The following PHACTR2 variants were observed in gnomAD, a reference collection of about 807,000 sequenced individuals.
The protein encoded by PHACTR2 is phosphatase and actin regulator 2, also known as chromosome 6 open reading frame 56.
Under a neutral mutation model 76.0 loss-of-function variants are expected in PHACTR2, and 30 were observed. The ratio of observed to expected loss-of-function variants is 0.39; its 90% confidence interval spans 0.30 to 0.54. The LOEUF is 0.54. Ranked by LOEUF, PHACTR2 falls within the 20% of genes least tolerant of loss-of-function variation. The pLI is 0.61. For missense variants in PHACTR2, 696 were observed against 781.1 expected (o/e 0.89, Z 1.30); for synonymous variants, 292 against 292.5 (o/e 1.00, Z 0.02).
intron 2 of PHACTR2, among the ~76,000 whole-genome samples, chr6:143,718,507 G>A (rs1778353364): frequency 6.6e-6 from 1 of 152,198 alleles, no homozygotes; most frequent in Non-Finnish European, 1.5e-5. Flanking sequence ...CATCAGAAAG[G>A]ACTGATCACT....
In PHACTR2 at chr6:143,795,046, T is replaced by C. The variant is rs549045859; in HGVS notation, c.1845+6136T>C. Among the ~76,000 whole-genome samples, 1 of 152,322 alleles carries C rather than the reference T, an allele frequency of 6.6e-6. No homozygotes were observed. Among genetic ancestry groups the C allele is most frequent in the South Asian group, 2.1e-4 (1 of 4,828 alleles). ...TCTGGTAGTCTGGTTAAATGGCTCA[T>C]GTTGGAAAAGAGAAGTGGTGGGAGA... On this transcript the variant is annotated intron_variant, in intron 11 of 12. Coordinates refer to ENST00000440869, the MANE Select transcript of PHACTR2 (RefSeq NM_001100164.2). The surrounding 1 kb of genome is among the most constrained non-coding windows in gnomAD (Gnocchi z 4.8).
chr6:143,788,040 C>T (rs1382963282), intron 10 of PHACTR2, among the ~76,000 whole-genome samples: 1 of 152,136 alleles, frequency 6.6e-6, no homozygotes, highest in Non-Finnish European at 1.5e-5. Flanking sequence ...AGAAAGGACC[C>T]AGAAAGAAAA....
chr6:143,720,956 C>A (rs1016293493), intron 2 of PHACTR2, among the ~76,000 whole-genome samples: 2 of 152,144 alleles, frequency 1.3e-5, no homozygotes, highest in Non-Finnish European at 2.9e-5. Flanking sequence ...TGGCTCCTAA[C>A]AAATTATGGA....
Position 143,801,563 on chromosome 6 carries a change from C to A in PHACTR2, c.1846-5494C>A, listed in dbSNP as rs1214674987. On this transcript the variant is annotated intron_variant, in intron 11 of 12. Coordinates refer to ENST00000440869, the MANE Select transcript of PHACTR2 (RefSeq NM_001100164.2). The surrounding 1 kb of genome is among the most constrained non-coding windows in gnomAD (Gnocchi z 4.6). Reference sequence around the variant, plus strand: ...TCAGCTCCATCAGGTTATTTAAGCTCTTCTCTACACTGGTTATTCTAGTTA... The same window carrying A: ...TCAGCTCCATCAGGTTATTTAAGCTATTCTCTACACTGGTTATTCTAGTTA... 6.6e-6 allele frequency among the ~76,000 whole-genome samples: 1 copy of A among 152,136 alleles called. No individual in the cohort carries two copies. The highest frequency in any genetic ancestry group is 2.4e-5 in the African/African-American group (1 of 41,412).
At chr6:143,634,873 G>T (rs1562254631) in intron 1 of PHACTR2, among the ~76,000 whole-genome samples, 1 of 152,076 alleles carries the variant, frequency 6.6e-6, no homozygotes, top group Non-Finnish European at 1.5e-5. Context: ...AATTAGTGGG[G>T]CGTCACAAAT....
intron 2 of PHACTR2, among the ~76,000 whole-genome samples, chr6:143,720,874 A>AAGT (rs1778426263): frequency 6.6e-6 from 1 of 152,162 alleles, no homozygotes; most frequent in Non-Finnish European, 1.5e-5. Context: ...TGGCCTCCCA[A>AAGT]AGTATTGGGA....
chr6:143,569,918 T>C (rs1195092022), intron 1 of PHACTR2, among the ~76,000 whole-genome samples: 1 of 152,244 alleles, frequency 6.6e-6, no homozygotes, highest in Non-Finnish European at 1.5e-5. Context: ...TATGGTGGAA[T>C]GTCTTAAAGA....
Position 143,578,245 on chromosome 6 carries a change from C to T in PHACTR2, c.217+41038C>T, listed in dbSNP as rs1464147061. Among the ~76,000 whole-genome samples the T allele has an allele frequency of 1.3e-5, 2 of 152,182 alleles. No homozygotes were observed. Among genetic ancestry groups the T allele is most frequent in the Non-Finnish European group, 2.9e-5 (2 of 68,044 alleles). Reference sequence around the variant, plus strand: ...TCCTCACGGTCCAGGATGGGGAAGTCATAGCCAGATTTAGCAGTTCCCCTT... The same window carrying T: ...TCCTCACGGTCCAGGATGGGGAAGTTATAGCCAGATTTAGCAGTTCCCCTT... On this transcript the variant is annotated intron_variant, in intron 1 of 11. Transcript: ENST00000367584. The surrounding 1 kb of genome is among the most constrained non-coding windows in gnomAD (Gnocchi z 4.5).
chr6:143,581,146 A>G lies in PHACTR2; in HGVS notation c.217+43939A>G. ...TAAGCAGACACTGAAGGCAAGGCCA[A>G]CCTCAGGGCTTGGCTCAATATTCTA... On this transcript the variant is annotated intron_variant, in intron 1 of 11. Coordinates refer to the PHACTR2 transcript ENST00000367584. This position sits in a 1 kb window ranked among gnomAD's most constrained non-coding sequence, Gnocchi z 4.5. 6.6e-6 allele frequency among the ~76,000 whole-genome samples: 1 copy of G among 152,226 alleles called. No homozygotes were observed. The highest frequency in any genetic ancestry group is 1.9e-4 in the East Asian group (1 of 5,204).
Position 143,819,225 on chromosome 6 carries a change from C to A in PHACTR2, c.1923-4449C>A, listed in dbSNP as rs1196271690. ...GTTCTGGACCCTGAGAGTTTAGGACCTGTCTCATAAGGTCCTCAGGTGGTT... is the reference window on the plus strand; with the variant it reads ...GTTCTGGACCCTGAGAGTTTAGGACATGTCTCATAAGGTCCTCAGGTGGTT... On this transcript the variant is annotated intron_variant, in intron 12 of 12. Transcript: ENST00000440869. The surrounding 1 kb of genome is among the most constrained non-coding windows in gnomAD (Gnocchi z 5.0). Among the ~76,000 whole-genome samples the A allele has an allele frequency of 1.3e-5, 2 of 152,134 alleles. No homozygotes were observed. Among genetic ancestry groups the A allele is most frequent in the African/African-American group, 4.8e-5 (2 of 41,408 alleles).
chr6:143,695,686 T>C lies in PHACTR2; in HGVS notation c.47-16330T>C, dbSNP rs564161620. Among the ~76,000 whole-genome samples the C allele has an allele frequency of 1.3e-5, 2 of 152,290 alleles. No individual in the cohort carries two copies. Among genetic ancestry groups the C allele is most frequent in the East Asian group, 3.9e-4 (2 of 5,188 alleles). On this transcript the variant is annotated intron_variant, in intron 1 of 12. Coordinates refer to ENST00000440869, the MANE Select transcript of PHACTR2 (RefSeq NM_001100164.2). This position sits in a 1 kb window ranked among gnomAD's most constrained non-coding sequence, Gnocchi z 4.4. ...TAGCCAGTCCAGTGGATAACATGAG[T>C]CTCATAATCAAGAATCCTCTGGGAC...
At position 143,678,178 on chromosome 6, in the gene PHACTR2, G is replaced by T; in HGVS notation, c.15G>T (p.Ser5=). Residue 5 remains serine, a synonymous_variant, in exon 1 of 13, where the codon TCG becomes TCT. Transcript: ENST00000440869. This position sits in a 1 kb window ranked among gnomAD's most constrained non-coding sequence, Gnocchi z 6.2. ...CGACCCCAGTCATGGGCCAGACCTC[G>T]GTGTCCACGCTGTCCCCGCAGCCCG... MGQT[S]VSTLSPQPGS... is the part of the protein sequence containing the mutation. 1 of 1,541,374 alleles carries T rather than the reference G, an allele frequency of 6.5e-7. No homozygotes were observed. The highest frequency in any genetic ancestry group is 1.2e-5 in the South Asian group (1 of 83,738).
intron 4 of PHACTR2, among the ~76,000 whole-genome samples, chr6:143,758,086 A>G (rs757383658): frequency 2.6e-5 from 4 of 152,140 alleles, no homozygotes; most frequent in Admixed American, 6.5e-5. Context: ...AGCCAGGAGA[A>G]AGTCTGTTTG....
At position 143,760,470 on chromosome 6, in the gene PHACTR2, G is replaced by T. The variant is rs763683755; in HGVS notation, c.524G>T (p.Arg175Ile). Residue 175 changes from arginine (R) to isoleucine (I), a missense_variant, in exon 5 of 13, where the codon AGA (arginine) becomes ATA (isoleucine). By Grantham distance (97) the Arg-to-Ile change is moderately conservative (BLOSUM62 -3). This residue lies in a region of PHACTR2 where 460 missense variants were observed against 450.9 expected (regional missense o/e 1.02). Coordinates refer to ENST00000440869, the MANE Select transcript of PHACTR2 (RefSeq NM_001100164.2). The surrounding 1 kb of genome is among the most constrained non-coding windows in gnomAD (Gnocchi z 6.4). ...CCTCCTTCTGCTCCTCCTAAGCCTA[G>T]ACCCAAACCTAAACCCAAAAAATCA... ...ALPPSAPPKP[R>I]PKPKPKKSPV... 1.2e-6 allele frequency: 2 copies of T among 1,613,672 alleles called. No individual in the cohort carries two copies. Among genetic ancestry groups the T allele is most frequent in the South Asian group, 1.1e-5 (1 of 91,064 alleles).
rs922000971 is a variant in PHACTR2, at chr6:143,824,766, A to G, written c.*1077A>G. 1 of 151,690 alleles carries G rather than the reference A, an allele frequency of 6.6e-6. No homozygotes were observed. Among genetic ancestry groups the G allele is most frequent in the African/African-American group, 2.4e-5 (1 of 41,212 alleles). 9.4% of individuals were successfully genotyped at this position (151,690 alleles called of 1,614,324 possible). A position where few individuals can be genotyped will look rare whatever the true frequency, so the allele number is the denominator to read the frequency against. ...TAGTGCTGCATTTTTTTAAAGTTGG[A>G]TTGCTGCTATTTAAAAAAAAAAAAA... is the stretch of plus-strand genomic sequence containing the variant. On this transcript the variant is annotated 3_prime_UTR_variant, in exon 13 of 13. Transcript: ENST00000440869. This position sits in a 1 kb window ranked among gnomAD's most constrained non-coding sequence, Gnocchi z 6.3.
intron 1 of PHACTR2, among the ~76,000 whole-genome samples, chr6:143,693,351 C>T (rs1777692976): frequency 6.6e-6 from 1 of 152,126 alleles, no homozygotes; most frequent in African/African-American, 2.4e-5. Context: ...GGTTCTCCTG[C>T]CTCAGCCTCC....
At chr6:143,640,461 C>G (rs1374520956) in intron 1 of PHACTR2, among the ~76,000 whole-genome samples, 1 of 152,140 alleles carries the variant, frequency 6.6e-6, no homozygotes, top group African/African-American at 2.4e-5. Flanking sequence ...AACTTGCTAT[C>G]TAGCTAGATG....
Position 143,777,456 on chromosome 6 carries a change from T to C in PHACTR2, c.1645+73T>C, listed in dbSNP as rs17522613. ...GCTGCCTCTACAGATGATCGATTTA[T>C]CAGTAAGAAACCATCATATATTCAT... On this transcript the variant is annotated intron_variant, in intron 9 of 12. Transcript: ENST00000440869. This position sits in a 1 kb window ranked among gnomAD's most constrained non-coding sequence, Gnocchi z 4.6. The C allele has an allele frequency of 0.066, 46,502 of 703,298 alleles. 1,891 individuals carry two copies. The highest frequency in any genetic ancestry group is 0.076 in the Non-Finnish European group (32,482 of 426,762). 43.6% of individuals were successfully genotyped at this position (703,298 alleles called of 1,614,324 possible).
chr6:143,626,804 G>A (rs1274416010), intron 1 of PHACTR2, among the ~76,000 whole-genome samples: 2 of 152,140 alleles, frequency 1.3e-5, no homozygotes, highest in Non-Finnish European at 2.9e-5. Context: ...GAAAGACAGG[G>A]AAGGGTTTTA....
Sources: gnomAD v4.1 joint callset for allele counts (sites outside exome capture counted in the v4.1 genomes callset) on GRCh38, gnomAD v4.1.1 for gene constraint, gnomAD v4.1.1 regional missense constraint, Gnocchi (gnomAD v3.1) non-coding constraint, MANE v1.5 for transcripts, NCBI Gene and HGNC (gene_info 2026-07-23, HGNC 2026-07-21) for gene names.